The following EPHX2 variants were observed in gnomAD, a reference collection of about 807,000 sequenced individuals.
EPHX2 encodes the protein epoxide hydrolase 2, also known as bifunctional epoxide hydrolase 2.
In EPHX2, 74 loss-of-function variants were observed where a neutral mutation model predicts 78.7. The ratio of observed to expected loss-of-function variants is 0.94; its 90% CI spans 0.78 to 1.14. The LOEUF is 1.14. Among genes scored for constraint, EPHX2 ranks in the 50% most tolerant of loss-of-function variants. The probability of loss-of-function intolerance (pLI) is 0.00; values close to 1 mark genes in which losing one functional copy is unlikely to be tolerated. For missense variants in EPHX2, 715 were observed against 702.5 expected (o/e 1.02, Z -0.20); for synonymous variants, 251 against 255.2 (o/e 0.98, Z 0.16).
intron 12 of EPHX2, among the ~76,000 whole-genome samples, chr8:27,536,436 C>T (rs57903340): frequency 0.026 from 3,975 of 152,158 alleles, 190 homozygotes; most frequent in African/African-American, 0.089. Context: ...CCCCTCTCTT[C>T]TTACCACCAG....
At chr8:27,520,817 C>G in intron 9 of EPHX2, 66 bp from the exon 10 acceptor site, 2 of 1,602,886 alleles carry the variant, frequency 1.2e-6, no homozygotes, top group South Asian at 2.2e-5. Flanking sequence ...GCAGTTCAGC[C>G]CATCATAAAG....
At chr8:27,515,695 C>T (rs2132744794) in intron 6 of EPHX2, 23 bp from the exon 7 acceptor site, 1 of 1,609,496 alleles carries the variant, frequency 6.2e-7, no homozygotes, top group East Asian at 2.2e-5. Flanking sequence ...TGGTCGCTGC[C>T]CTCTCCTCTT....
chr8:27,516,540 A>G (rs781665261), intron 8 of EPHX2, 142 bp downstream of exon 8: 10 of 748,434 alleles, frequency 1.3e-5, no homozygotes, highest in Non-Finnish European at 2.2e-5. Context: ...TTCCTCTCCT[A>G]CGGTGCCCTG....
chr8:27,501,343 T>TTCTTCTTCC (rs1554519516), intron 2 of EPHX2, among the ~76,000 whole-genome samples: 5 of 114,498 alleles, frequency 4.4e-5, no homozygotes, highest in Non-Finnish European at 9.1e-5. Flanking sequence ...CTTCTTCTTC[T>TTCTTCTTCC]TCTTCTTCTT....
At chr8:27,504,886 T>G (rs867878860) in intron 3 of EPHX2, 70 bp from the exon 4 acceptor site, 8 of 1,542,664 alleles carry the variant, frequency 5.2e-6, no homozygotes, top group Non-Finnish European at 7.1e-6. Flanking sequence ...TTGGAGTCCC[T>G]TGGGGGTATC....
At chr8:27,530,105 C>CT (rs1358310698) in intron 12 of EPHX2, among the ~76,000 whole-genome samples, 8 of 149,884 alleles carry the variant, frequency 5.3e-5, no homozygotes, top group African/African-American at 1.7e-4. Context: ...AGGCTGGTCT[C>CT]TAAGTCCTGG....
intron 6 of EPHX2, chr8:27,515,510 G>T: frequency 3.6e-6 from 2 of 559,786 alleles, no homozygotes; most frequent in Non-Finnish European, 6.4e-6. Flanking sequence ...TTAGGTTATG[G>T]TGAGAGCCAC....
In EPHX2 at chr8:27,496,868, A is replaced by T. The variant is rs1813592359; in HGVS notation, c.102-4058A>T. Among the ~76,000 whole-genome samples, 6 of 152,268 alleles carry T rather than the reference A, an allele frequency of 3.9e-5. No individual in the cohort carries two copies. The South Asian group carries it at 1.2e-3, about 32-fold the overall frequency. On this transcript the variant is annotated intron_variant, in intron 1 of 18. Transcript: ENST00000521400. ...GGTTGATTCCCTCCTCAAGTAGGGG[A>T]CAACAAATGGGTAACTTGTTCCCCA...
chr8:27,536,640 A>C (rs1431723785), intron 12 of EPHX2, 144 bp from the exon 13 acceptor site: 9 of 773,174 alleles, frequency 1.2e-5, no homozygotes, highest in Non-Finnish European at 2.0e-5. Context: ...TTTTATGATG[A>C]AAATTCAAAT....
At chr8:27,491,448 C>G (rs904245894) in intron 1 of EPHX2, 139 bp downstream of exon 1, 49 of 618,478 alleles carry the variant, frequency 7.9e-5, no homozygotes, top group Non-Finnish European at 1.1e-4. Flanking sequence ...AAGACCTGGC[C>G]CTGAAGTCCC....
At chr8:27,548,387 T>C (rs1815607788), downstream of EPHX2, among the ~76,000 whole-genome samples, 1 of 152,224 alleles carries the variant, frequency 6.6e-6, no homozygotes, top group Admixed American at 6.5e-5. Context: ...TATGCCTCAC[T>C]GTTCAAAGGA....
chr8:27,541,703 G>A (rs893144079), intron 16 of EPHX2, among the ~76,000 whole-genome samples, 161 bp downstream of exon 16: 1 of 152,180 alleles, frequency 6.6e-6, no homozygotes, highest in South Asian at 2.1e-4. Context: ...CCCTTCAGGG[G>A]TTTCCCTAGG....
intron 12 of EPHX2, among the ~76,000 whole-genome samples, chr8:27,529,163 C>T (rs1349889466): frequency 1.3e-5 from 2 of 152,210 alleles, no homozygotes; most frequent in African/African-American, 4.8e-5. Context: ...TTAGAGTCAG[C>T]TCCCATATAG....
chr8:27,538,426 G>A (rs762412495), intron 13 of EPHX2, among the ~76,000 whole-genome samples: 7 of 152,226 alleles, frequency 4.6e-5, no homozygotes, highest in Non-Finnish European at 7.3e-5. Flanking sequence ...TCAGCCCAGA[G>A]CTTTGGTCGT....
Position 27,491,245 on chromosome 8 carries a change from G to C in EPHX2, c.37G>C (p.Val13Leu). 6.3e-7 allele frequency: 1 copy of C among 1,585,336 alleles called. No homozygotes were observed. The part of the protein sequence containing the change: ...LRAAVFDLDG[V>L]LALPAVFGVL... ...CGCGGCCGTCTTCGACCTTGACGGGGTGCTGGCGCTGCCAGCGGTGTTCGG... is the reference window on the plus strand; with the variant it reads ...CGCGGCCGTCTTCGACCTTGACGGGCTGCTGGCGCTGCCAGCGGTGTTCGG... The change falls in exon 1 of 19, where the codon GTG becomes CTG. Residue 13 changes from valine (V) to leucine (L), a missense_variant. By Grantham distance (32) the Val-to-Leu change is conservative. Transcript: ENST00000521400.
At chr8:27,507,576 C>G (rs1204372473) in intron 5 of EPHX2, among the ~76,000 whole-genome samples, 1 of 152,166 alleles carries the variant, frequency 6.6e-6, no homozygotes, top group Non-Finnish European at 1.5e-5. Flanking sequence ...GTGCAGCACC[C>G]TCATCCTGTG....
intron 16 of EPHX2, among the ~76,000 whole-genome samples, chr8:27,541,970 G>A (rs1338936241): frequency 1.3e-5 from 2 of 152,048 alleles, no homozygotes; most frequent in Admixed American, 1.3e-4. Context: ...GTCAATCTCT[G>A]AGTCTCAGTT....
At chr8:27,510,653 T>C (rs187522182) in intron 5 of EPHX2, among the ~76,000 whole-genome samples, 1 of 152,242 alleles carries the variant, frequency 6.6e-6, no homozygotes, top group East Asian at 1.9e-4. Context: ...CTGGTCTCTT[T>C]AGAAGAAGGA....
chr8:27,505,198 C>A, intron 4 of EPHX2, 52 bp downstream of exon 4: 3 of 1,584,682 alleles, frequency 1.9e-6, no homozygotes, highest in Non-Finnish European at 2.6e-6. Flanking sequence ...ATATTGCAAC[C>A]AGGGAAAAAC....
Sources: gnomAD v4.1 joint callset for allele counts (sites outside exome capture counted in the v4.1 genomes callset) on GRCh38, gnomAD v4.1.1 for gene constraint, MANE v1.5 for transcripts, NCBI Gene and HGNC (gene_info 2026-07-23, HGNC 2026-07-21) for gene names.